NINJ2: variants seen among roughly 807,000 people sequenced by gnomAD.
NINJ2 encodes the protein ninjurin 2, also known as ninjurin-2.
NINJ2 carries 12 observed loss-of-function variants against 11.7 expected under a neutral mutation model. The observed-to-expected ratio is 1.02, with a 90% CI of 0.66 to 1.66. The LOEUF (loss-of-function observed/expected upper bound fraction) is 1.66. NINJ2 is among the 40% of genes most tolerant of loss of function. NINJ2 has a pLI of 0.00. For missense variants in NINJ2, 187 were observed against 181.8 expected (o/e 1.03, Z -0.16); for synonymous variants, 93 against 76.8 (o/e 1.21, Z -1.10).
In NINJ2 at chr12:629,896, A is replaced by AAAAAAAAATATATATAT; in HGVS notation, c.33+33431_33+33432insATATATATATTTTTTTT. Among the ~76,000 whole-genome samples, 7 of 9,898 alleles carry AAAAAAAAATATATATAT rather than the reference A, an allele frequency of 7.1e-4. 1 individual carries two copies. Among genetic ancestry groups the AAAAAAAAATATATATAT allele is most frequent in the Admixed American group, 2.9e-3 (1 of 350 alleles). The allele number at this position is 9,898 out of a possible 152,430, so 6.5% of individuals were successfully genotyped here. On this transcript the variant is annotated intron_variant, in intron 1 of 3. Transcript: ENST00000305108. ...GAGCAAAACTCAAAAAAAAAAAAAAAATATATATATATATATATATATATA... is the reference window on the plus strand; with the variant it reads ...GAGCAAAACTCAAAAAAAAAAAAAAAAAAAAAAATATATATATATATATATATATATATATATATATA...
chr12:607,630 A>T (rs1947957573), intron 1 of NINJ2, among the ~76,000 whole-genome samples: 1 of 152,214 alleles, frequency 6.6e-6, no homozygotes, highest in Non-Finnish European at 1.5e-5. Flanking sequence ...AGTGATTGAC[A>T]GTCAGATCCG....
intron 1 of NINJ2, among the ~76,000 whole-genome samples, chr12:661,807 T>C (rs760239187): frequency 2.0e-5 from 3 of 152,234 alleles, no homozygotes; most frequent in Non-Finnish European, 2.9e-5. Flanking sequence ...TAGGTGACCT[T>C]ATTCCTATCT....
intron 1 of NINJ2, among the ~76,000 whole-genome samples, chr12:595,078 T>C (rs1947765287): frequency 6.6e-6 from 1 of 152,098 alleles, no homozygotes; most frequent in African/African-American, 2.4e-5. Context: ...GATAATACAA[T>C]GTAGCAAAGA....
rs549069543 is a variant in NINJ2, at chr12:624,034, T to TCAAAAA, written c.33+39288_33+39293dup. Among the ~76,000 whole-genome samples, 746 of 152,160 alleles carry TCAAAAA rather than the reference T, an allele frequency of 4.9e-3. 5 individuals carry two copies. Among genetic ancestry groups the TCAAAAA allele is most frequent in the African/African-American group, 0.016 (673 of 41,472 alleles). ...CTTGGTGACAGAGCGAGACTCTGTC[T>TCAAAAA]CAAAAACAAAAACAAAAACAAAAAC... On this transcript the variant is annotated intron_variant, in intron 1 of 3. Transcript: ENST00000305108.
chr12:576,325 C>G (rs2535423), intron 1 of NINJ2, among the ~76,000 whole-genome samples: 138,640 of 152,254 alleles, frequency 0.91, 63,318 homozygotes, highest in East Asian at 1. Flanking sequence ...TCAACCCGCC[C>G]GCGCGGGCAC....
intron 1 of NINJ2, among the ~76,000 whole-genome samples, chr12:587,077 C>T (rs1316262299): frequency 6.6e-6 from 1 of 152,222 alleles, no homozygotes; most frequent in Non-Finnish European, 1.5e-5. Flanking sequence ...TCCCCAAGCA[C>T]AGTTTCTTTT....
chr12:653,023 T>C (rs535629576), intron 1 of NINJ2, among the ~76,000 whole-genome samples: 5 of 139,392 alleles, frequency 3.6e-5, no homozygotes, highest in South Asian at 2.4e-4. Flanking sequence ...TGTTTCTTTT[T>C]TTTTTTTTTT....
chr12:604,362 G>GCA (rs1947910281), intron 1 of NINJ2, among the ~76,000 whole-genome samples: 2 of 139,540 alleles, frequency 1.4e-5, no homozygotes, highest in African/African-American at 6.6e-5. Flanking sequence ...GCCTGGCCGG[G>GCA]TGCGGTGGCT....
At position 621,196 on chromosome 12, in the gene NINJ2, C is replaced by T. The variant is rs149750963; in HGVS notation, c.33+42132G>A. ...GGCATGGTGATTCACACCTGTAATC[C>T]CAGCACTTTAGGAGGCTGAGGCAGG... is the stretch of plus-strand genomic sequence containing the variant. On this transcript the variant is annotated intron_variant, in intron 1 of 3. Coordinates refer to ENST00000305108, the MANE Select transcript of NINJ2 (RefSeq NM_016533.6). 1.2e-3 allele frequency among the ~76,000 whole-genome samples: 176 copies of T among 152,118 alleles called. No individual in the cohort carries two copies. The East Asian group carries it at 0.032, about 28-fold the overall frequency.
chr12:609,944 TAAAAAA>T (rs60084425), intron 1 of NINJ2, among the ~76,000 whole-genome samples: 1 of 126,884 alleles, frequency 7.9e-6, no homozygotes, highest in Non-Finnish European at 1.6e-5. Context: ...GACCCTGTCT[TAAAAAA>T]AAAAAAAAAA....
At chr12:621,501 G>T (rs1272055379) in intron 1 of NINJ2, among the ~76,000 whole-genome samples, 1 of 150,040 alleles carries the variant, frequency 6.7e-6, no homozygotes. Context: ...AAAAGAAAAA[G>T]AAAAGAAAAA....
intron 1 of NINJ2, among the ~76,000 whole-genome samples, chr12:641,734 A>T (rs1180580696): frequency 6.6e-6 from 1 of 151,226 alleles, no homozygotes; most frequent in Non-Finnish European, 1.5e-5. Flanking sequence ...AGTCCCATCT[A>T]CTCGGGAGGC....
At chr12:587,334 C>A (rs1440078582) in intron 1 of NINJ2, among the ~76,000 whole-genome samples, 1 of 152,262 alleles carries the variant, frequency 6.6e-6, no homozygotes, top group African/African-American at 2.4e-5. Context: ...ACCCACAGCA[C>A]AGCCCCCATG....
At chr12:576,979 C>G (rs1291708527) in intron 1 of NINJ2, among the ~76,000 whole-genome samples, 1 of 152,164 alleles carries the variant, frequency 6.6e-6, no homozygotes, top group Non-Finnish European at 1.5e-5. Flanking sequence ...CAATCCTACT[C>G]ATCCCTCAGG....
rs1475381351 is a variant in NINJ2, at chr12:616,876, C to T, written c.33+46452G>A. On this transcript the variant is annotated intron_variant, in intron 1 of 3. Transcript: ENST00000305108. Reference sequence around the variant, plus strand: ...TAAAAGCTTACCTTGGCATCTCAGGCACTTGGAAAGCTAGCATTGCCTCCA... The same window carrying T: ...TAAAAGCTTACCTTGGCATCTCAGGTACTTGGAAAGCTAGCATTGCCTCCA... 2.0e-5 allele frequency among the ~76,000 whole-genome samples: 3 copies of T among 152,140 alleles called. No homozygotes were observed. In the East Asian group the frequency reaches 5.8e-4, roughly 29 times the overall value.
chr12:587,370 C>T (rs370835075), intron 1 of NINJ2, among the ~76,000 whole-genome samples: 3 of 152,236 alleles, frequency 2.0e-5, no homozygotes, highest in Non-Finnish European at 2.9e-5. Context: ...GGTCAAGCGG[C>T]GGCAGGAAGT....
In NINJ2 at chr12:603,655, A is replaced by T. The variant is rs1947901124; in HGVS notation, c.34-37477T>A. ...TATCCCAGCACCATTTGTTGAAAAG[A>T]CTATTCTTTTTCTTTTTTTTTTTGA... On this transcript the variant is annotated intron_variant, in intron 1 of 3. Coordinates refer to ENST00000305108, the MANE Select transcript of NINJ2 (RefSeq NM_016533.6). 3.3e-5 allele frequency among the ~76,000 whole-genome samples: 5 copies of T among 150,748 alleles called. No individual in the cohort carries two copies. In the South Asian group the frequency reaches 1.0e-3, roughly 32 times the overall value.
intron 1 of NINJ2, among the ~76,000 whole-genome samples, chr12:638,705 G>A (rs1047561569): frequency 2.6e-5 from 4 of 152,324 alleles, no homozygotes; most frequent in South Asian, 2.1e-4. Context: ...GTGAGCCACC[G>A]CGCCCGGCCG....
intron 1 of NINJ2, among the ~76,000 whole-genome samples, chr12:629,896 A>AAAAAAAAAT: frequency 6.1e-4 from 6 of 9,902 alleles, no homozygotes; most frequent in African/African-American, 8.7e-4. Context: ...AAAAAAAAAA[A>AAAAAAAAAT]ATATATATAT....
Sources: gnomAD v4.1 joint callset for allele counts (sites outside exome capture counted in the v4.1 genomes callset) on GRCh38, gnomAD v4.1.1 for gene constraint, MANE v1.5 for transcripts, NCBI Gene and HGNC (gene_info 2026-07-23, HGNC 2026-07-21) for gene names.